INPP4B: variants seen among roughly 807,000 people sequenced by gnomAD.
INPP4B encodes the protein inositol polyphosphate-4-phosphatase type II B.
A neutral mutation model predicts 122.5 loss-of-function variants in INPP4B; 55 were observed. That is an observed-to-expected ratio of 0.45 (90% CI 0.36 to 0.56). INPP4B has a LOEUF of 0.56. INPP4B is among the 20% of genes least tolerant of loss of function. The pLI is 0.00. For synonymous variants in INPP4B, 403 were observed against 388.7 expected (o/e 1.04, Z -0.43); for missense variants, 1,000 against 1,097.7 (o/e 0.91, Z 1.26).
chr4:142,836,400 C>G (rs1465677110), intron 1 of INPP4B, among the ~76,000 whole-genome samples: 1 of 151,830 alleles, frequency 6.6e-6, no homozygotes, highest in Non-Finnish European at 1.5e-5. Context: ...AACCAGAAAT[C>G]TAGGTGAGAG....
At chr4:142,698,014 A>T (rs1899565) in intron 2 of INPP4B, among the ~76,000 whole-genome samples, 85,440 of 151,924 alleles carry the variant, frequency 0.56, 25,629 homozygotes, top group East Asian at 0.8. Flanking sequence ...TATAATATGA[A>T]ACATGCTTGA....
intron 1 of INPP4B, among the ~76,000 whole-genome samples, chr4:142,784,235 T>C (rs927148267): frequency 4.0e-5 from 6 of 151,856 alleles, no homozygotes; most frequent in Admixed American, 2.0e-4. Context: ...TGGTGGCATG[T>C]GCCTGTAGTC....
chr4:142,505,440 A>T (rs1823901964), intron 2 of INPP4B, among the ~76,000 whole-genome samples: 1 of 152,038 alleles, frequency 6.6e-6, no homozygotes, highest in African/African-American at 2.4e-5. Context: ...TTGGTGCTGG[A>T]TAGCTGGAGT....
intron 1 of INPP4B, among the ~76,000 whole-genome samples, chr4:142,737,777 C>A (rs1042497624): frequency 1.3e-5 from 2 of 151,784 alleles, no homozygotes; most frequent in Non-Finnish European, 2.9e-5. Context: ...AAAAAAACAA[C>A]CCCATCAAAA....
chr4:142,554,467 C>T (rs1728719418), intron 2 of INPP4B, among the ~76,000 whole-genome samples: 3 of 152,082 alleles, frequency 2.0e-5, no homozygotes, highest in East Asian at 1.9e-4. Context: ...AGCAACTCTG[C>T]TCATGTCACA....
intron 1 of INPP4B, among the ~76,000 whole-genome samples, chr4:142,821,839 A>G (rs1780832282): frequency 6.6e-6 from 1 of 152,170 alleles, no homozygotes; most frequent in South Asian, 2.1e-4. Context: ...GACACACACC[A>G]AAAGGAGTCA....
intron 17 of INPP4B, 54 bp from the exon 18 acceptor site, chr4:142,146,050 C>G: frequency 6.4e-7 from 1 of 1,563,306 alleles, no homozygotes; most frequent in Non-Finnish European, 8.7e-7. Context: ...CAAGATAAGG[C>G]AAAGTCGGAT....
rs1580745855 is a variant in INPP4B at position 142,707,294 on chromosome 4, G to A, written c.-191+18545C>T. ...ACCACTCAACCTCAAACGAGAGGTG[G>A]CCATTCTCTTCTTTAAGAGGAATGC... On this transcript the variant is annotated intron_variant, in intron 2 of 25. Transcript: ENST00000262992. Among the ~76,000 whole-genome samples, 6 of 152,280 alleles carry A rather than the reference G, an allele frequency of 3.9e-5. No individual in the cohort carries two copies. The South Asian group carries it at 1.2e-3, about 32-fold the overall frequency.
chr4:142,764,178 T>A (rs1435711803), intron 1 of INPP4B, among the ~76,000 whole-genome samples: 1 of 152,150 alleles, frequency 6.6e-6, no homozygotes, highest in Non-Finnish European at 1.5e-5. Flanking sequence ...TAAAAATATA[T>A]AATTTACATC....
chr4:142,676,392 C>CA (rs1340952988), intron 2 of INPP4B, among the ~76,000 whole-genome samples: 1 of 151,808 alleles, frequency 6.6e-6, no homozygotes, highest in East Asian at 1.9e-4. Flanking sequence ...CAGGAAGAAT[C>CA]AACATTAAAA....
intron 9 of INPP4B, among the ~76,000 whole-genome samples, chr4:142,272,855 C>T (rs532872927): frequency 2.6e-5 from 4 of 151,898 alleles, no homozygotes; most frequent in South Asian, 2.1e-4. Context: ...AAACTAAACA[C>T]GTTTTTCTTC....
chr4:142,248,338 T>C (rs1256053272), intron 11 of INPP4B, among the ~76,000 whole-genome samples: 1 of 139,336 alleles, frequency 7.2e-6, no homozygotes, highest in African/African-American at 2.6e-5. Flanking sequence ...CTCTCTCTCT[T>C]TTTTTTTTTT....
At chr4:142,029,677 A>T (rs1578658500) in intron 25 of INPP4B, 1 of 985,802 alleles carries the variant, frequency 1.0e-6, no homozygotes, top group African/African-American at 1.7e-5. Flanking sequence ...CAGGTTAAAA[A>T]AAATTTCTAT....
chr4:142,661,597 T>G (rs1755181372), intron 2 of INPP4B, among the ~76,000 whole-genome samples: 1 of 152,244 alleles, frequency 6.6e-6, no homozygotes, highest in African/African-American at 2.4e-5. Context: ...CTTCTAAATT[T>G]AGCAATTTTT....
intron 2 of INPP4B, among the ~76,000 whole-genome samples, chr4:142,494,268 CTTAA>C (rs796354041): frequency 5.3e-5 from 8 of 152,246 alleles, no homozygotes; most frequent in African/African-American, 1.7e-4. Flanking sequence ...AATTTGCACC[CTTAA>C]TTTAGAATTG....
intron 1 of INPP4B, among the ~76,000 whole-genome samples, chr4:142,737,358 G>C (rs1003877656): frequency 4.6e-5 from 7 of 152,084 alleles, no homozygotes; most frequent in African/African-American, 1.7e-4. Context: ...ACAAGCAATG[G>C]GGAAAGGATT....
chr4:142,146,366 T>C (rs1309057099), intron 17 of INPP4B, among the ~76,000 whole-genome samples: 1 of 152,198 alleles, frequency 6.6e-6, no homozygotes, highest in African/African-American at 2.4e-5. Flanking sequence ...TTTTAAAGAA[T>C]GGCCTCCTGT....
chr4:142,794,079 C>T (rs1156235008), intron 1 of INPP4B, among the ~76,000 whole-genome samples: 1 of 151,930 alleles, frequency 6.6e-6, no homozygotes, highest in African/African-American at 2.4e-5. Context: ...ATTTGCCTAT[C>T]CATCTATGGA....
chr4:142,729,285 T>C (rs559244143), intron 1 of INPP4B, among the ~76,000 whole-genome samples: 88 of 152,062 alleles, frequency 5.8e-4, no homozygotes, highest in African/African-American at 2.0e-3. Flanking sequence ...GGCTTGGGGG[T>C]TGGGGATCCC....
Sources: allele counts gnomAD v4.1 joint callset (sites outside exome capture counted in the v4.1 genomes callset), GRCh38; gene constraint gnomAD v4.1.1; transcripts MANE v1.5; gene names NCBI Gene and HGNC (gene_info 2026-07-23, HGNC 2026-07-21).